The following NRXN3 variants were observed in gnomAD, a reference collection of about 807,000 sequenced individuals.
NRXN3 encodes neurexin III.
In NRXN3, 32 loss-of-function variants were observed where a neutral mutation model predicts 137.6. The observed-to-expected ratio is 0.23, with a 90% confidence interval of 0.18 to 0.31. The LOEUF is 0.31. Ranked by LOEUF, NRXN3 falls within the 10% of genes least tolerant of loss-of-function variation. The pLI, the probability that NRXN3 is intolerant of heterozygous loss-of-function variation, is 1.00. For synonymous variants in NRXN3, 798 were observed against 784.5 expected, an observed-to-expected ratio of 1.02 and a Z score of -0.29; for missense variants, 1,574 against 2,062.5, an observed-to-expected ratio of 0.76 and a Z score of 4.59.
At chr14:79,212,576 A>G (rs960614537) in intron 15 of NRXN3, among the ~76,000 whole-genome samples, 7 of 152,154 alleles carry the variant, frequency 4.6e-5, no homozygotes, top group Non-Finnish European at 8.8e-5. Flanking sequence ...GTTAATACCT[A>G]TACTTTATAC....
intron 20 of NRXN3, among the ~76,000 whole-genome samples, chr14:79,827,214 G>A (rs1245350231): frequency 6.6e-6 from 1 of 152,128 alleles, no homozygotes. Context: ...TTGGTGCCAT[G>A]AGCATACCAT....
At chr14:79,737,219 G>T (rs1211743956) in intron 19 of NRXN3, among the ~76,000 whole-genome samples, 3 of 152,150 alleles carry the variant, frequency 2.0e-5, no homozygotes, top group Non-Finnish European at 4.4e-5. Context: ...ATTGGCCCAT[G>T]GGTTGTCCAC....
intron 10 of NRXN3, among the ~76,000 whole-genome samples, chr14:78,911,245 A>T (rs2099236707): frequency 6.6e-6 from 1 of 152,212 alleles, no homozygotes; most frequent in Admixed American, 6.5e-5. Context: ...TAATTGGGCA[A>T]AGTCCCACAG....
At chr14:78,657,098 C>A (rs978282360) in intron 6 of NRXN3, among the ~76,000 whole-genome samples, 1 of 148,574 alleles carries the variant, frequency 6.7e-6, no homozygotes, top group Admixed American at 6.7e-5. Flanking sequence ...CCCTGAGCTT[C>A]GGCATTAGAT....
At chr14:78,760,893 A>G (rs1333769734) in intron 8 of NRXN3, among the ~76,000 whole-genome samples, 1 of 152,156 alleles carries the variant, frequency 6.6e-6, no homozygotes, top group Admixed American at 6.5e-5. Context: ...AATCATGGAA[A>G]ATACCTGGTT....
At chr14:79,027,184 CT>C (rs201638829) in intron 15 of NRXN3, among the ~76,000 whole-genome samples, 5 of 147,728 alleles carry the variant, frequency 3.4e-5, no homozygotes, top group Non-Finnish European at 6.0e-5. Flanking sequence ...GCCATATATT[CT>C]TTTTTTTTCT....
chr14:78,864,408 T>C (rs2099081072), intron 10 of NRXN3, among the ~76,000 whole-genome samples: 1 of 152,160 alleles, frequency 6.6e-6, no homozygotes, highest in Non-Finnish European at 1.5e-5. Context: ...GCCAGAATTA[T>C]ATGAGATAAT....
chr14:78,522,281 A>G (rs1315273550), intron 4 of NRXN3, among the ~76,000 whole-genome samples: 1 of 152,214 alleles, frequency 6.6e-6, no homozygotes, highest in Non-Finnish European at 1.5e-5. Context: ...AATCAAAGAC[A>G]CTAAGTAGCT....
intron 15 of NRXN3, among the ~76,000 whole-genome samples, chr14:79,360,273 C>T (rs537523178): frequency 3.7e-4 from 56 of 152,284 alleles, no homozygotes; most frequent in African/African-American, 1.3e-3. Flanking sequence ...TAAGTCACAT[C>T]TTTAAGGATA....
intron 15 of NRXN3, among the ~76,000 whole-genome samples, chr14:79,124,249 A>G (rs149481957): frequency 2.0e-5 from 3 of 152,324 alleles, no homozygotes; most frequent in African/African-American, 7.2e-5. Flanking sequence ...AAAAACCAGA[A>G]GTCTTCATTG....
intron 4 of NRXN3, among the ~76,000 whole-genome samples, chr14:78,516,820 A>T (rs565968754): frequency 6.6e-6 from 1 of 152,316 alleles, no homozygotes; most frequent in Admixed American, 6.5e-5. Flanking sequence ...ATTTTGAAGA[A>T]AAGAGTTAGC....
intron 10 of NRXN3, among the ~76,000 whole-genome samples, chr14:78,897,187 A>T (rs549062297): frequency 6.6e-6 from 1 of 151,994 alleles, no homozygotes; most frequent in African/African-American, 2.4e-5. Flanking sequence ...AGTGTTTCAT[A>T]AAGTGTTTGT....
chr14:78,533,521 A>G (rs1051459460), intron 4 of NRXN3, among the ~76,000 whole-genome samples: 1 of 151,928 alleles, frequency 6.6e-6, no homozygotes, highest in Non-Finnish European at 1.5e-5. Context: ...ATCTCCTGCC[A>G]TTTTTCCTGC....
intron 10 of NRXN3, among the ~76,000 whole-genome samples, chr14:78,949,614 T>C (rs930111869): frequency 1.3e-5 from 2 of 151,358 alleles, no homozygotes; most frequent in Admixed American, 6.6e-5. Context: ...AAAAAAAAAC[T>C]ACAATACAAG....
chr14:79,365,052 G>A (rs777389703), intron 15 of NRXN3, among the ~76,000 whole-genome samples: 5 of 152,008 alleles, frequency 3.3e-5, no homozygotes, highest in Non-Finnish European at 7.4e-5. Context: ...TTTTGGTTTC[G>A]TCTCATAAAA....
At chr14:78,440,312 A>G (rs1430810238) in intron 4 of NRXN3, among the ~76,000 whole-genome samples, 1 of 152,164 alleles carries the variant, frequency 6.6e-6, no homozygotes, top group African/African-American at 2.4e-5. Flanking sequence ...CCACAGTCCC[A>G]GCACAATCCT....
chr14:79,091,075 TAA>T (rs5809922), intron 15 of NRXN3, among the ~76,000 whole-genome samples: 237 of 143,862 alleles, frequency 1.6e-3, no homozygotes, highest in Middle Eastern at 3.6e-3. Context: ...TTTGTCTCAG[TAA>T]AAAAAAAAAA....
chr14:78,970,369 G>A (rs538370580), intron 14 of NRXN3, among the ~76,000 whole-genome samples: 123 of 152,078 alleles, frequency 8.1e-4, no homozygotes, highest in African/African-American at 2.7e-3. Context: ...ATTTCAGAAT[G>A]TAATAGAGAT....
intron 2 of NRXN3, among the ~76,000 whole-genome samples, chr14:78,262,460 A>C (rs1279267104): frequency 6.6e-6 from 1 of 152,104 alleles, no homozygotes; most frequent in Non-Finnish European, 1.5e-5. Flanking sequence ...AGAAGGGTAA[A>C]AATGAAGGGC....
Sources: allele counts gnomAD v4.1 joint callset (sites outside exome capture counted in the v4.1 genomes callset), GRCh38; gene constraint gnomAD v4.1.1; transcripts MANE v1.5; gene names NCBI Gene and HGNC (gene_info 2026-07-23, HGNC 2026-07-21).